NLRC4: variants seen among roughly 807,000 people sequenced by gnomAD.
NLRC4 encodes the protein NLR family CARD domain containing 4.
Under a neutral mutation model 79.9 loss-of-function variants are expected in NLRC4, and 63 were observed. That is an observed-to-expected ratio of 0.79 (90% CI 0.64 to 0.97). The LOEUF (loss-of-function observed/expected upper bound fraction) is 0.97. Ranked by LOEUF, NLRC4 falls within the 50% of genes least tolerant of loss-of-function variation. The pLI is 0.00. For missense variants in NLRC4, 1,074 were observed against 1,215.2 expected, an observed-to-expected ratio of 0.88 and a Z score of 1.73; for synonymous variants, 461 against 456.5, an observed-to-expected ratio of 1.01 and a Z score of -0.12.
intron 7 of NLRC4, among the ~76,000 whole-genome samples, chr2:32,235,864 C>A (rs570690372): frequency 6.6e-6 from 1 of 152,270 alleles, no homozygotes; most frequent in African/African-American, 2.4e-5. Flanking sequence ...TAAAGCAAAT[C>A]ATGGACAATA....
At chr2:32,263,704 C>A (rs980938834) in intron 1 of NLRC4, among the ~76,000 whole-genome samples, 10 of 152,194 alleles carry the variant, frequency 6.6e-5, no homozygotes, top group African/African-American at 2.2e-4. Flanking sequence ...GCCAACCCTG[C>A]TGACACCTTG....
intron 8 of NLRC4, among the ~76,000 whole-genome samples, chr2:32,234,072 C>T (rs557389011): frequency 6.6e-6 from 1 of 152,224 alleles, no homozygotes; most frequent in South Asian, 2.1e-4. Context: ...TGCCACAAAG[C>T]TTTTACACTT....
In NLRC4 at chr2:32,224,744, G is replaced by C; in HGVS notation, c.2804C>G (p.Pro935Arg). The C allele has an allele frequency of 6.3e-7, 1 of 1,582,522 alleles. No homozygotes were observed. Among genetic ancestry groups the C allele is most frequent in the Non-Finnish European group, 8.6e-7 (1 of 1,165,788 alleles). The change falls in exon 9 of 9, where the codon CCT (proline) becomes CGT (arginine). Residue 935 changes from proline (P) to arginine (R), a missense_variant. Coordinates refer to ENST00000402280, the MANE Select transcript of NLRC4 (RefSeq NM_001199138.2). ...RILGAFFGKN[P>R]LKNFQQLNLA... ...ATTCAACTGCTGGAAGTTTTTCAGA[G>C]GGTTCTTTCCAAAAAATGCACCTGG... is the stretch of plus-strand genomic sequence containing the variant.
chr2:32,244,070 C>T (rs527899189), intron 4 of NLRC4, among the ~76,000 whole-genome samples: 63 of 151,980 alleles, frequency 4.1e-4, no homozygotes, highest in Non-Finnish European at 6.8e-4. Context: ...GGCAACATAG[C>T]GAGAACTCGT....
At chr2:32,235,593 G>A (rs774912806) in intron 7 of NLRC4, 25 bp from the exon 8 acceptor site, 1 of 1,600,786 alleles carries the variant, frequency 6.2e-7, no homozygotes, top group East Asian at 2.2e-5. Flanking sequence ...GAGCAGTTCA[G>A]GGACTGGATG....
chr2:32,259,867 T>C (rs1274061755), intron 1 of NLRC4, among the ~76,000 whole-genome samples: 1 of 119,224 alleles, frequency 8.4e-6, no homozygotes, highest in East Asian at 2.1e-4. Context: ...AAGTCACTCA[T>C]GCTGTTGCTT....
intron 8 of NLRC4, among the ~76,000 whole-genome samples, chr2:32,233,949 T>C (rs572016857): frequency 6.6e-6 from 1 of 152,336 alleles, no homozygotes; most frequent in East Asian, 1.9e-4. Flanking sequence ...TTGCTTTATA[T>C]ATCTAGGTTC....
chr2:32,249,930 G>A lies in NLRC4; in HGVS notation c.1934C>T (p.Pro645Leu), dbSNP rs751650141. ...GAAGAACAAAGATACAGCCCTGCTG[G>A]GAATGTAGGTTTCTGGGGCCTCTTC... Reference protein sequence around the residue: ...HMEEAPETYIPSRAVSLFFNW... With the variant: ...HMEEAPETYILSRAVSLFFNW... The change falls in exon 4 of 9, where the codon CCC (proline) becomes CTC (leucine). Residue 645 changes from proline to leucine, a missense_variant. Coordinates refer to ENST00000402280, the MANE Select transcript of NLRC4 (RefSeq NM_001199138.2). 3 of 1,614,156 alleles carry A rather than the reference G, an allele frequency of 1.9e-6. No homozygotes were observed. In the South Asian group the frequency reaches 3.3e-5, roughly 18 times the overall value.
Position 32,230,195 on chromosome 2 carries a change from AAC to A in NLRC4, c.2782+5204_2782+5205del, listed in dbSNP as rs1171080798. On this transcript the variant is annotated intron_variant, in intron 8 of 8. Coordinates refer to ENST00000402280, the MANE Select transcript of NLRC4 (RefSeq NM_001199138.2). ...TCTAAGGAGAAGGAGAGAAAAAAATAACAGTCACATCCTCTGTGAAATAGGAG... is the reference window on the plus strand; with the variant it reads ...TCTAAGGAGAAGGAGAGAAAAAAATAAGTCACATCCTCTGTGAAATAGGAG... 3.3e-5 allele frequency among the ~76,000 whole-genome samples: 5 copies of A among 152,338 alleles called. No homozygotes were observed. In the South Asian group the frequency reaches 8.3e-4, roughly 25 times the overall value.
At chr2:32,238,028 C>G in intron 6 of NLRC4, 104 bp downstream of exon 6, 192 of 744,388 alleles carry the variant, frequency 2.6e-4, no homozygotes, top group East Asian at 3.0e-4. Flanking sequence ...TTCCAGTTTT[C>G]CTTAAAATTA....
chr2:32,264,126 C>A (rs1324269140), intron 1 of NLRC4, among the ~76,000 whole-genome samples: 1 of 152,044 alleles, frequency 6.6e-6, no homozygotes, highest in East Asian at 1.9e-4. Flanking sequence ...ATTCTAACAA[C>A]AGTCTTAGCA....
intron 4 of NLRC4, among the ~76,000 whole-genome samples, chr2:32,245,444 G>A (rs1252259022): frequency 4.6e-5 from 7 of 152,050 alleles, no homozygotes; most frequent in Admixed American, 1.3e-4. Flanking sequence ...TTGAACTCAC[G>A]GAGAGTAGAA....
At chr2:32,254,880 A>C (rs532773935) in intron 2 of NLRC4, among the ~76,000 whole-genome samples, 7 of 151,740 alleles carry the variant, frequency 4.6e-5, no homozygotes, top group African/African-American at 1.7e-4. Context: ...AGCTTCCCAA[A>C]GTGCTAGGAT....
rs770505969 is a variant in NLRC4 at position 32,251,160 on chromosome 2, A to G, written c.704T>C (p.Met235Thr). 8 of 1,614,104 alleles carry G rather than the reference A, an allele frequency of 5.0e-6. No individual in the cohort carries two copies. The highest frequency in any genetic ancestry group is 4.5e-5 in the East Asian group (2 of 44,898). Residue 235 changes from methionine to threonine, a missense_variant, in exon 4 of 9, where the codon ATG becomes ACG. Met to Thr is a moderately conservative substitution (Grantham distance 81). Coordinates refer to ENST00000402280, the MANE Select transcript of NLRC4 (RefSeq NM_001199138.2). ...AACCCTCTGCCGCAGCTTCAGCAGCATGGCCATGAATGTCTGCTTCCTGAT... is the reference window on the plus strand; with the variant it reads ...AACCCTCTGCCGCAGCTTCAGCAGCGTGGCCATGAATGTCTGCTTCCTGAT... ...GTIRKQTFMAMLLKLRQRVLF... is the reference protein window; with the variant it reads ...GTIRKQTFMATLLKLRQRVLF...
At chr2:32,238,975 G>A (rs762675526) in intron 5 of NLRC4, among the ~76,000 whole-genome samples, 2 of 152,060 alleles carry the variant, frequency 1.3e-5, no homozygotes, top group Non-Finnish European at 2.9e-5. Flanking sequence ...TGTAGCCTAC[G>A]GGAAAGAAAT....
chr2:32,232,263 A>G (rs189204797), intron 8 of NLRC4, among the ~76,000 whole-genome samples: 2 of 152,292 alleles, frequency 1.3e-5, no homozygotes, highest in Middle Eastern at 3.4e-3. Flanking sequence ...GCTGCATGCT[A>G]CAAGTTTTGA....
At chr2:32,224,889 C>G (rs1373419949) in intron 8 of NLRC4, 124 bp from the exon 9 acceptor site, 3 of 578,976 alleles carry the variant, frequency 5.2e-6, no homozygotes, top group Non-Finnish European at 8.9e-6. Flanking sequence ...TGAACCAGTG[C>G]TTTGCCTCAG....
At chr2:32,243,136 C>T (rs936986654) in intron 4 of NLRC4, among the ~76,000 whole-genome samples, 8 of 151,920 alleles carry the variant, frequency 5.3e-5, no homozygotes, top group African/African-American at 1.9e-4. Context: ...TGAGGCTGGG[C>T]GAGGTGGCTC....
rs779390608 is a variant in NLRC4 at position 32,250,314 on chromosome 2, C to G, written c.1550G>C (p.Cys517Ser). 1.9e-5 allele frequency: 31 copies of G among 1,614,082 alleles called. No individual in the cohort carries two copies. The highest frequency in any genetic ancestry group is 3.3e-4 in the Middle Eastern group (2 of 6,084). Reference protein sequence around the residue: ...KHLAAVYQHGCLLGLSIAKRP... With the variant: ...KHLAAVYQHGSLLGLSIAKRP... ...CTTGGCGATGGAAAGTCCGAGAAGGCAGCCGTGTTGATACACTGCTGCGAG... is the reference window on the plus strand; with the variant it reads ...CTTGGCGATGGAAAGTCCGAGAAGGGAGCCGTGTTGATACACTGCTGCGAG... The change falls in exon 4 of 9, where the codon TGC (cysteine) becomes TCC (serine). Residue 517 changes from cysteine (C) to serine (S), a missense_variant. Coordinates refer to ENST00000402280, the MANE Select transcript of NLRC4 (RefSeq NM_001199138.2). This position sits in a 1 kb window ranked among gnomAD's most constrained non-coding sequence, Gnocchi z 4.9.
Sources: allele counts gnomAD v4.1 joint callset (sites outside exome capture counted in the v4.1 genomes callset), GRCh38; gene constraint gnomAD v4.1.1; non-coding constraint Gnocchi (gnomAD v3.1); transcripts MANE v1.5; gene names NCBI Gene and HGNC (gene_info 2026-07-23, HGNC 2026-07-21).